The following RAB6B variants were observed in gnomAD, a reference collection of about 807,000 sequenced individuals.
RAB6B encodes ras-related protein Rab-6B.
RAB6B carries 7 observed loss-of-function variants against 31.2 expected under a neutral mutation model. That is an observed-to-expected ratio of 0.22 (90% CI 0.13 to 0.42). The LOEUF is 0.42. RAB6B is among the 10% of genes least tolerant of loss of function. The pLI is 1.00. For synonymous variants in RAB6B, 105 were observed against 104.9 expected, an observed-to-expected ratio of 1.00 and a Z score of -0.01; for missense variants, 149 against 280.6, an observed-to-expected ratio of 0.53 and a Z score of 3.35.
intron 6 of RAB6B, among the ~76,000 whole-genome samples, chr3:133,835,878 A>G (rs1935727647): frequency 6.6e-6 from 1 of 152,060 alleles, no homozygotes; most frequent in African/African-American, 2.4e-5. Flanking sequence ...CACCTTGACC[A>G]TGGAGTTCCC....
At chr3:133,880,016 A>T (rs1344860640) in intron 1 of RAB6B, among the ~76,000 whole-genome samples, 1 of 152,184 alleles carries the variant, frequency 6.6e-6, no homozygotes, top group Non-Finnish European at 1.5e-5. Flanking sequence ...GACCCTACAC[A>T]GGCCAATCCT....
chr3:133,892,367 G>A (rs115792819), intron 1 of RAB6B, among the ~76,000 whole-genome samples: 4,425 of 152,266 alleles, frequency 0.029, 83 homozygotes, highest in Non-Finnish European at 0.038. Context: ...AGGCCAGGGG[G>A]ACAGCTGCCA....
At chr3:133,886,341 C>T (rs1021142513) in intron 1 of RAB6B, among the ~76,000 whole-genome samples, 12 of 152,228 alleles carry the variant, frequency 7.9e-5, no homozygotes, top group African/African-American at 2.7e-4. Flanking sequence ...TTGTTGCCTG[C>T]TTATTGTGGG....
chr3:133,882,010 G>C (rs1210422507), intron 1 of RAB6B, among the ~76,000 whole-genome samples: 1 of 152,222 alleles, frequency 6.6e-6, no homozygotes, highest in East Asian at 1.9e-4. Flanking sequence ...TGCTCAGCAT[G>C]TCACAAGGAT....
chr3:133,856,970 T>C (rs1313706399), intron 2 of RAB6B, among the ~76,000 whole-genome samples: 1 of 152,196 alleles, frequency 6.6e-6, no homozygotes, highest in Non-Finnish European at 1.5e-5. Flanking sequence ...CTCATGTTGC[T>C]AGAGTTAACC....
chr3:133,848,122 T>C (rs55857903), intron 2 of RAB6B, among the ~76,000 whole-genome samples: 12 of 152,320 alleles, frequency 7.9e-5, no homozygotes, highest in Non-Finnish European at 1.6e-4. Context: ...TATAGTATAT[T>C]CCAAAAAGAG....
intron 1 of RAB6B, among the ~76,000 whole-genome samples, chr3:133,867,186 T>C (rs1936250105): frequency 6.6e-6 from 1 of 152,188 alleles, no homozygotes; most frequent in Admixed American, 6.5e-5. Flanking sequence ...CTGAAAGTTT[T>C]TTACTGGGAA....
intron 2 of RAB6B, among the ~76,000 whole-genome samples, chr3:133,841,930 G>A (rs1480398564): frequency 6.6e-6 from 1 of 152,212 alleles, no homozygotes; most frequent in Non-Finnish European, 1.5e-5. Flanking sequence ...TGAGAGCGCA[G>A]TGGTGAGGAG....
Position 133,827,746 on chromosome 3 carries a change from ACCCCCC to A in RAB6B, c.*1036_*1041del, listed in dbSNP as rs55951806. ...TCAAGGTGGTGGTTCTGCAGACAAC[ACCCCCC>A]CCCCCCCCCGCCTCCCCATCACAGA... On this transcript the variant is annotated 3_prime_UTR_variant, in exon 8 of 8. Transcript: ENST00000285208. 7.2e-4 allele frequency: 53 copies of A among 73,596 alleles called. No individual in the cohort carries two copies. Among genetic ancestry groups the A allele is most frequent in the East Asian group, 2.2e-3 (5 of 2,232 alleles). The allele number at this position is 73,596 out of a possible 1,614,324, so 4.6% of individuals were successfully genotyped here. A position where few individuals can be genotyped will look rare whatever the true frequency, so the allele number is the denominator to read the frequency against.
At chr3:133,888,821 G>A (rs1256556853) in intron 1 of RAB6B, among the ~76,000 whole-genome samples, 2 of 152,076 alleles carry the variant, frequency 1.3e-5, no homozygotes, top group Non-Finnish European at 2.9e-5. Context: ...CTTGTTCTAG[G>A]AAACAAAGAC....
intron 1 of RAB6B, among the ~76,000 whole-genome samples, chr3:133,882,173 C>A (rs1038125791): frequency 2.0e-5 from 3 of 152,180 alleles, no homozygotes; most frequent in African/African-American, 4.8e-5. Context: ...ACATCCCTTG[C>A]CACGTGACCC....
rs913643311 is a variant in RAB6B at position 133,828,583 on chromosome 3, T to C, written c.*205A>G. 1.6e-6 allele frequency: 1 copy of C among 644,222 alleles called. No homozygotes were observed. The highest frequency in any genetic ancestry group is 2.8e-6 in the Non-Finnish European group (1 of 363,462). 39.9% of individuals were successfully genotyped at this position (644,222 alleles called of 1,614,324 possible). A position where few individuals can be genotyped will look rare whatever the true frequency, so the allele number is the denominator to read the frequency against. On this transcript the variant is annotated 3_prime_UTR_variant, in exon 8 of 8. Transcript: ENST00000285208. ...AATATATTACAACCAAACCAAAAAA[T>C]AGTTGTTTAAGTAACAGCCGTTAAG...
intron 2 of RAB6B, among the ~76,000 whole-genome samples, chr3:133,845,907 CAA>C (rs1485572648): frequency 6.6e-6 from 1 of 151,982 alleles, no homozygotes. Context: ...GGGTGACTGT[CAA>C]GAGATTTATG....
At chr3:133,881,037 A>G (rs998342209) in intron 1 of RAB6B, among the ~76,000 whole-genome samples, 23 of 152,188 alleles carry the variant, frequency 1.5e-4, no homozygotes, top group African/African-American at 5.5e-4. Context: ...GCCCTTATGG[A>G]CTGAGACTGC....
At chr3:133,861,680 T>C (rs576529552) in intron 2 of RAB6B, among the ~76,000 whole-genome samples, 1 of 152,046 alleles carries the variant, frequency 6.6e-6, no homozygotes, top group African/African-American at 2.4e-5. Flanking sequence ...AAACATAGAG[T>C]AGGCATTTGA....
intron 1 of RAB6B, among the ~76,000 whole-genome samples, chr3:133,887,354 G>T (rs900684855): frequency 2.6e-5 from 4 of 152,194 alleles, no homozygotes; most frequent in African/African-American, 4.8e-5. Flanking sequence ...CCCAGGGAGG[G>T]TTGCACTCAG....
Position 133,827,746 on chromosome 3 carries a change from A to AGCC in RAB6B, c.*1041_*1042insGGC. On this transcript the variant is annotated 3_prime_UTR_variant, in exon 8 of 8. Coordinates refer to ENST00000285208, the MANE Select transcript of RAB6B (RefSeq NM_016577.4). ...TCAAGGTGGTGGTTCTGCAGACAAC[A>AGCC]CCCCCCCCCCCCCCCGCCTCCCCAT... is the stretch of plus-strand genomic sequence containing the variant. 1.4e-5 allele frequency: 1 copy of AGCC among 72,114 alleles called. No homozygotes were observed. The highest frequency in any genetic ancestry group is 2.7e-5 in the Non-Finnish European group (1 of 36,596). 4.5% of individuals were successfully genotyped at this position (72,114 alleles called of 1,614,324 possible).
At chr3:133,856,528 A>T (rs185074761) in intron 2 of RAB6B, among the ~76,000 whole-genome samples, 16 of 152,114 alleles carry the variant, frequency 1.1e-4, no homozygotes, top group African/African-American at 3.9e-4. Flanking sequence ...CATTACTCTT[A>T]GCCTCTAGAG....
chr3:133,889,813 T>C (rs1445025928), intron 1 of RAB6B, among the ~76,000 whole-genome samples: 2 of 152,194 alleles, frequency 1.3e-5, no homozygotes, highest in Non-Finnish European at 2.9e-5. Context: ...CATCAGATCA[T>C]GCAAAAGACA....
Sources: allele counts gnomAD v4.1 joint callset (sites outside exome capture counted in the v4.1 genomes callset), GRCh38; gene constraint gnomAD v4.1.1; transcripts MANE v1.5; gene names NCBI Gene and HGNC (gene_info 2026-07-23, HGNC 2026-07-21).